CNTN6: variants seen among roughly 807,000 people sequenced by gnomAD.
CNTN6 encodes the protein contactin 6.
Under a neutral mutation model 122.8 loss-of-function variants are expected in CNTN6, and 137 were observed. The observed-to-expected ratio is 1.12, with a 90% confidence interval of 0.97 to 1.29. CNTN6 has a LOEUF of 1.29. CNTN6 is among the 50% of genes most tolerant of loss of function. CNTN6 has a pLI of 0.00. For synonymous variants in CNTN6, 570 were observed against 426.0 expected (o/e 1.34, Z -4.16); for missense variants, 1,634 against 1,223.4 (o/e 1.34, Z -5.01).
At chr3:1,198,854 G>C (rs1052877648) in intron 2 of CNTN6, among the ~76,000 whole-genome samples, 1 of 152,134 alleles carries the variant, frequency 6.6e-6, no homozygotes, top group Non-Finnish European at 1.5e-5. Flanking sequence ...CAGAGTCTTC[G>C]CATATGTAAT....
At chr3:1,314,335 G>C (rs1230289096) in intron 7 of CNTN6, among the ~76,000 whole-genome samples, 1 of 151,962 alleles carries the variant, frequency 6.6e-6, no homozygotes, top group Non-Finnish European at 1.5e-5. Context: ...ATTAAAACTG[G>C]CCCACTGACA....
chr3:1,237,012 C>T (rs2094431144), intron 4 of CNTN6, among the ~76,000 whole-genome samples: 2 of 151,556 alleles, frequency 1.3e-5, no homozygotes, highest in South Asian at 4.2e-4. Flanking sequence ...ACCTGGGAGG[C>T]AGAGCTTGCA....
rs923213174 is a variant in CNTN6, at chr3:1,331,405, G to T, written c.1364+1470G>T. 6.6e-5 allele frequency among the ~76,000 whole-genome samples: 10 copies of T among 152,074 alleles called. No individual in the cohort carries two copies. The East Asian group carries it at 1.7e-3, about 27-fold the overall frequency. On this transcript the variant is annotated intron_variant, in intron 11 of 22. Transcript: ENST00000446702. ...CAGCTTTACAGAAAGGCTGTTCTTG[G>T]GGAAATCCCTCAAGACATAGGAACA...
chr3:1,108,031 G>A (rs2091306977), intron 1 of CNTN6, among the ~76,000 whole-genome samples: 1 of 151,986 alleles, frequency 6.6e-6, no homozygotes, highest in East Asian at 1.9e-4. Flanking sequence ...GTGTTATGCA[G>A]AAAATTACCC....
At chr3:1,151,039 C>T (rs1262415761) in intron 2 of CNTN6, among the ~76,000 whole-genome samples, 1 of 152,144 alleles carries the variant, frequency 6.6e-6, no homozygotes, top group Non-Finnish European at 1.5e-5. Context: ...GTGGACTGAG[C>T]ATGGCTCTGC....
rs953999539 is a variant in CNTN6, at chr3:1,399,856, A to G, written c.2705-1577A>G. Among the ~76,000 whole-genome samples, 5 of 152,128 alleles carry G rather than the reference A, an allele frequency of 3.3e-5. No individual in the cohort carries two copies. In the East Asian group the frequency reaches 9.6e-4, roughly 29 times the overall value. On this transcript the variant is annotated intron_variant, in intron 20 of 22. Coordinates refer to ENST00000446702, the MANE Select transcript of CNTN6 (RefSeq NM_001289080.2). ...TAAACAAACACATAACCAAGAATAA[A>G]TGTAAACCAATGTGATAAACCTATA... is the stretch of plus-strand genomic sequence containing the variant.
At chr3:1,095,973 A>C (rs1168413428) in intron 1 of CNTN6, among the ~76,000 whole-genome samples, 1 of 152,192 alleles carries the variant, frequency 6.6e-6, no homozygotes, top group African/African-American at 2.4e-5. Flanking sequence ...GTTAGATTTC[A>C]GTAAGTAGTA....
rs757993052 is a variant in CNTN6, at chr3:1,382,995, C to T, written c.2220C>T (p.Phe740=). Reference sequence around the variant, plus strand: ...AGGGATTTGGATATATCATCATGTTCCGGCCAGTGGGCTCGACAACCTGGT... The same window carrying T: ...AGGGATTTGGATATATCATCATGTTTCGGCCAGTGGGCTCGACAACCTGGT... ...NGEGFGYIIM[F]RPVGSTTWSK... Residue 740 remains phenylalanine (F), a synonymous_variant, in exon 18 of 23, where the codon TTC becomes TTT. Coordinates refer to ENST00000446702, the MANE Select transcript of CNTN6 (RefSeq NM_001289080.2). 2.5e-6 allele frequency: 4 copies of T among 1,613,924 alleles called. No homozygotes were observed. The highest frequency in any genetic ancestry group is 2.7e-5 in the African/African-American group (2 of 74,908).
chr3:1,222,493 A>T (rs986517908), intron 3 of CNTN6, among the ~76,000 whole-genome samples: 13 of 152,128 alleles, frequency 8.5e-5, no homozygotes, highest in African/African-American at 3.1e-4. Context: ...TTATATAAAA[A>T]ATCTATTGGC....
rs952507797 is a variant in CNTN6 at position 1,402,340 on chromosome 3, A to G, written c.2840A>G (p.Gln947Arg). 7 of 1,608,954 alleles carry G rather than the reference A, an allele frequency of 4.4e-6. No homozygotes were observed. In the African/African-American group the frequency reaches 8.0e-5, roughly 18 times the overall value. ...GYKILYRQNR[Q>R]SKTHILETNN... ...CAGATTCTGTACCGGCAAAACAGAC[A>G]GAGTAAAACTCATATTTTGGAAACA... The change falls in exon 22 of 23, where the codon CAG (glutamine) becomes CGG (arginine). Residue 947 changes from glutamine to arginine, a missense_variant. By Grantham distance (43) the Gln-to-Arg change is conservative. Coordinates refer to ENST00000446702, the MANE Select transcript of CNTN6 (RefSeq NM_001289080.2).
intron 12 of CNTN6, among the ~76,000 whole-genome samples, chr3:1,369,951 A>G (rs1708769196): frequency 6.6e-6 from 1 of 151,986 alleles, no homozygotes; most frequent in South Asian, 2.1e-4. Flanking sequence ...AGTCAATTAA[A>G]TTACAAAACA....
At chr3:1,306,044 C>T (rs2125908883) in intron 7 of CNTN6, among the ~76,000 whole-genome samples, 1 of 152,216 alleles carries the variant, frequency 6.6e-6, no homozygotes, top group Middle Eastern at 3.4e-3. Context: ...TCAAGCTAGG[C>T]ACACTGAAAT....
chr3:1,299,350 GA>G (rs1356652846), intron 7 of CNTN6, among the ~76,000 whole-genome samples: 2 of 151,846 alleles, frequency 1.3e-5, no homozygotes, highest in Non-Finnish European at 2.9e-5. Context: ...AATTTTAAAA[GA>G]AAACCAATGA....
At chr3:1,243,975 G>A (rs1428787577) in intron 4 of CNTN6, among the ~76,000 whole-genome samples, 2 of 152,088 alleles carry the variant, frequency 1.3e-5, no homozygotes, top group Non-Finnish European at 2.9e-5. Context: ...ACAGAGGCTA[G>A]GGAGGGAACG....
At chr3:1,278,323 TTAA>T (rs1333612994) in intron 4 of CNTN6, 87 bp from the exon 5 acceptor site, 1 of 912,462 alleles carries the variant, frequency 1.1e-6, no homozygotes, top group Non-Finnish European at 1.7e-6. Context: ...TTAATTCCCC[TTAA>T]TAATAAAAAC....
chr3:1,372,516 A>G (rs770352143), intron 13 of CNTN6, 42 bp downstream of exon 13: 1 of 1,470,494 alleles, frequency 6.8e-7, no homozygotes, highest in Non-Finnish European at 9.2e-7. Context: ...AAATGAATCA[A>G]GTCTTTTACA....
intron 7 of CNTN6, among the ~76,000 whole-genome samples, chr3:1,302,326 T>G (rs76794839): frequency 0.059 from 9,026 of 152,188 alleles, 931 homozygotes; most frequent in African/African-American, 0.21. Context: ...ACTTTACTCT[T>G]TTGTAAGATG....
intron 1 of CNTN6, among the ~76,000 whole-genome samples, chr3:1,126,958 T>C (rs965669942): frequency 1.3e-5 from 2 of 151,862 alleles, no homozygotes; most frequent in Non-Finnish European, 2.9e-5. Context: ...GGAATCTCAA[T>C]ATCCTAAGTT....
intron 12 of CNTN6, among the ~76,000 whole-genome samples, chr3:1,358,036 C>G (rs1258068591): frequency 2.0e-5 from 3 of 151,796 alleles, no homozygotes; most frequent in Non-Finnish European, 4.4e-5. Context: ...TCCTACTACA[C>G]TCCTAGAAGC....
Sources: gnomAD v4.1 joint callset for allele counts (sites outside exome capture counted in the v4.1 genomes callset) on GRCh38, gnomAD v4.1.1 for gene constraint, MANE v1.5 for transcripts, NCBI Gene and HGNC (gene_info 2026-07-23, HGNC 2026-07-21) for gene names.